VPS13A: variants seen among roughly 807,000 people sequenced by gnomAD.
VPS13A encodes the protein vacuolar protein sorting 13 homolog A.
In VPS13A, 264 loss-of-function variants were observed where a neutral mutation model predicts 390.9. That is an observed-to-expected ratio of 0.68 (90% confidence interval 0.61 to 0.75). The LOEUF is 0.75. Among genes scored for constraint, VPS13A ranks in the 30% least tolerant of loss-of-function variants. VPS13A has a pLI of 0.00. For synonymous variants in VPS13A, 1,231 were observed against 1,227.1 expected, an observed-to-expected ratio of 1.00 and a Z score of -0.07; for missense variants, 3,409 against 3,733.9, an observed-to-expected ratio of 0.91 and a Z score of 2.27.
chr9:77,407,708 G>A (rs1484718019), intron 71 of VPS13A, 101 bp downstream of exon 71: 7 of 942,378 alleles, frequency 7.4e-6, no homozygotes, highest in Non-Finnish European at 1.2e-5. Flanking sequence ...GGGGGTTTTT[G>A]TTTGTTTGTT....
At chr9:77,225,508 A>G (rs1823458002) in intron 13 of VPS13A, among the ~76,000 whole-genome samples, 1 of 152,040 alleles carries the variant, frequency 6.6e-6, no homozygotes, top group Non-Finnish European at 1.5e-5. Context: ...AGCCTCCCAG[A>G]GTGTTGGGGT....
intron 71 of VPS13A, among the ~76,000 whole-genome samples, chr9:77,415,194 A>G (rs1835125242): frequency 6.6e-6 from 1 of 152,228 alleles, no homozygotes; most frequent in African/African-American, 2.4e-5. Context: ...TTTACCTGCA[A>G]TAAAGTTTTC....
At chr9:77,276,683 A>G (rs1826688570) in intron 26 of VPS13A, among the ~76,000 whole-genome samples, 1 of 152,194 alleles carries the variant, frequency 6.6e-6, no homozygotes, top group African/African-American at 2.4e-5. Flanking sequence ...GGTGTTGACA[A>G]AATTCATTTA....
At chr9:77,299,387 C>T (rs1270295182) in intron 33 of VPS13A, among the ~76,000 whole-genome samples, 3 of 152,044 alleles carry the variant, frequency 2.0e-5, no homozygotes, top group Non-Finnish European at 4.4e-5. Context: ...CCATCTCACA[C>T]CAGTTAGAAT....
intron 13 of VPS13A, among the ~76,000 whole-genome samples, chr9:77,222,937 G>A (rs1331042223): frequency 6.6e-6 from 1 of 152,164 alleles, no homozygotes; most frequent in African/African-American, 2.4e-5. Flanking sequence ...CATGTGGCCA[G>A]TTGTTCAAAC....
rs1001602769 is a variant in VPS13A at position 77,382,789 on chromosome 9, A to C, written c.9189+702A>C. The C allele has an allele frequency of 9.1e-6, 9 of 985,400 alleles. No homozygotes were observed. The African/African-American group carries it at 1.2e-4, about 13-fold the overall frequency. 61.0% of individuals were successfully genotyped at this position (985,400 alleles called of 1,614,324 possible). Reference sequence around the variant, plus strand: ...GGGATTTGATAAGCAGTTCACATGCAAACCAGTATCTTTTAATAATACAAA... The same window carrying C: ...GGGATTTGATAAGCAGTTCACATGCCAACCAGTATCTTTTAATAATACAAA... On this transcript the variant is annotated intron_variant, in intron 68 of 71. Transcript: ENST00000360280.
intron 50 of VPS13A, among the ~76,000 whole-genome samples, chr9:77,341,691 CTTTTTTTTTTT>C (rs57841628): frequency 9.8e-4 from 37 of 37,838 alleles, no homozygotes; most frequent in African/African-American, 2.9e-3. Flanking sequence ...GACATCTTTC[CTTTTTTTTTTT>C]TTTTTTTTTT....
At chr9:77,347,882 G>T (rs1241184001) in intron 52 of VPS13A, among the ~76,000 whole-genome samples, 3 of 149,154 alleles carry the variant, frequency 2.0e-5, no homozygotes, top group Non-Finnish European at 3.0e-5. Flanking sequence ...TTTCCTGAAT[G>T]CTCTGGGTCT....
chr9:77,414,764 T>TAATAATAATAATAATAATAAA (rs1423448427), intron 71 of VPS13A, among the ~76,000 whole-genome samples: 39 of 146,818 alleles, frequency 2.7e-4, no homozygotes, highest in African/African-American at 9.0e-4. Flanking sequence ...ATAATAATAA[T>TAATAATAATAATAATAATAAA]AATAAAAACT....
intron 31 of VPS13A, among the ~76,000 whole-genome samples, chr9:77,288,757 G>C (rs376838264): frequency 6.6e-6 from 1 of 152,124 alleles, no homozygotes; most frequent in African/African-American, 2.4e-5. Context: ...TGTTCCATTT[G>C]GGCAAGTAGG....
chr9:77,195,210 G>A (rs1824917116), intron 1 of VPS13A, among the ~76,000 whole-genome samples: 1 of 152,036 alleles, frequency 6.6e-6, no homozygotes, highest in African/African-American at 2.4e-5. Flanking sequence ...TGGAAACTCC[G>A]CTTCCCGGGT....
At chr9:77,261,153 C>G (rs112946595) in intron 23 of VPS13A, among the ~76,000 whole-genome samples, 4,882 of 152,196 alleles carry the variant, frequency 0.032, 205 homozygotes, top group African/African-American at 0.099. Context: ...CCCGCCTCGG[C>G]CTTCCAAAGT....
At chr9:77,274,035 G>A (rs573180258) in intron 24 of VPS13A, among the ~76,000 whole-genome samples, 1 of 152,186 alleles carries the variant, frequency 6.6e-6, no homozygotes, top group South Asian at 2.1e-4. Context: ...GCAGATATTT[G>A]TATATTTTCA....
In VPS13A at chr9:77,227,372, A is replaced by C. The variant is rs764121339; in HGVS notation, c.1358-19A>C. 2 of 1,552,902 alleles carry C rather than the reference A, an allele frequency of 1.3e-6. No homozygotes were observed. The highest frequency in any genetic ancestry group is 2.2e-5 in the South Asian group (2 of 89,678). ...TTGTTTTTATTTAAGAACATAAAGC[A>C]CTTCTTTCTGATTTGTAGCTCTTGA... On this transcript the variant is annotated intron_variant, in intron 15 of 71. Coordinates refer to ENST00000360280, the MANE Select transcript of VPS13A (RefSeq NM_033305.3).
intron 47 of VPS13A, chr9:77,339,156 C>T (rs549939875): frequency 4.4e-6 from 1 of 226,880 alleles, no homozygotes; most frequent in Non-Finnish European, 8.6e-6. Flanking sequence ...TTGTAGTTTT[C>T]AAAATAAAAA....
In VPS13A at chr9:77,420,497, G is replaced by A. The variant is rs1835310106; in HGVS notation, c.*4491G>A. On this transcript the variant is annotated 3_prime_UTR_variant, in exon 72 of 72. Coordinates refer to ENST00000360280, the MANE Select transcript of VPS13A (RefSeq NM_033305.3). ...CATTTTCAAAAAAAAAATTATTTTG[G>A]TTACCCAAAAAGCTATACAAGAAAT... 1.3e-5 allele frequency: 2 copies of A among 150,894 alleles called. No homozygotes were observed. The highest frequency in any genetic ancestry group is 4.9e-5 in the African/African-American group (2 of 41,102). The allele number at this position is 150,894 out of a possible 1,614,324, so 9.3% of individuals were successfully genotyped here.
At chr9:77,321,902 G>C (rs369983391) in intron 44 of VPS13A, among the ~76,000 whole-genome samples, 156 bp downstream of exon 44, 2 of 151,382 alleles carry the variant, frequency 1.3e-5, no homozygotes, top group African/African-American at 4.8e-5. Flanking sequence ...ACTGTTTTTT[G>C]TCTTTGCAGT....
At chr9:77,240,477 T>G (rs1035250995) in intron 19 of VPS13A, among the ~76,000 whole-genome samples, 9 of 111,600 alleles carry the variant, frequency 8.1e-5, no homozygotes, top group Non-Finnish European at 1.5e-4. Context: ...GTTATGTTTT[T>G]GTTTTTTTTT....
intron 54 of VPS13A, among the ~76,000 whole-genome samples, chr9:77,355,491 GT>G (rs1381983634): frequency 2.0e-5 from 3 of 152,094 alleles, no homozygotes; most frequent in African/African-American, 7.2e-5. Context: ...GTGGATTTCA[GT>G]TTTATGATTT....
Sources: gnomAD v4.1 joint callset for allele counts (sites outside exome capture counted in the v4.1 genomes callset) on GRCh38, gnomAD v4.1.1 for gene constraint, MANE v1.5 for transcripts, NCBI Gene and HGNC (gene_info 2026-07-23, HGNC 2026-07-21) for gene names.